The following OR4D1 variants were observed in gnomAD, a reference collection of about 807,000 sequenced individuals.
The protein encoded by OR4D1 is olfactory receptor 4D1.
A neutral mutation model predicts 14.2 loss-of-function variants in OR4D1; 10 were observed. That is an observed-to-expected ratio of 0.71 (90% CI 0.44 to 1.20). OR4D1 has a LOEUF of 1.20. Among genes scored for constraint, OR4D1 ranks in the 50% most tolerant of loss-of-function variants. The pLI is 0.00. For missense variants in OR4D1, 345 were observed against 376.6 expected, an observed-to-expected ratio of 0.92 and a Z score of 0.70; for synonymous variants, 141 against 147.4, an observed-to-expected ratio of 0.96 and a Z score of 0.32.
Position 58,157,841 on chromosome 17 carries a change from G to T in OR4D1, c.*1755G>T. ...TCAATAGACTCCATGATGGATGTTTGTTTCAAAGGGTTTCCTCTCCCTCTC... is the reference window on the plus strand; with the variant it reads ...TCAATAGACTCCATGATGGATGTTTTTTTCAAAGGGTTTCCTCTCCCTCTC... On this transcript the variant is annotated 3_prime_UTR_variant, in exon 4 of 4. Coordinates refer to ENST00000268912, the MANE Select transcript of OR4D1 (RefSeq NM_001386095.1). The T allele has an allele frequency of 3.2e-6, 5 of 1,565,492 alleles. No individual in the cohort carries two copies. The highest frequency in any genetic ancestry group is 4.4e-6 in the Non-Finnish European group (5 of 1,148,168).
chr17:58,149,082 T>A (rs979283249), intron 1 of OR4D1, among the ~76,000 whole-genome samples: 1 of 152,190 alleles, frequency 6.6e-6, no homozygotes, highest in Non-Finnish European at 1.5e-5. Flanking sequence ...CCCTCGTCTC[T>A]CCTAGTCCTG....
chr17:58,155,720 C>T lies in OR4D1; in HGVS notation c.567C>T (p.Cys189=). 2 of 1,614,126 alleles carry T rather than the reference C, an allele frequency of 1.2e-6. No homozygotes were observed. Among genetic ancestry groups the T allele is most frequent in the South Asian group, 2.2e-5 (2 of 91,086 alleles). ...CDVPQVLRLA[C]TDTSLLEFLM... Reference sequence around the variant, plus strand: ...TTCCCCAAGTACTGAGACTTGCCTGCACTGATACCTCCCTCCTGGAGTTCC... The same window carrying T: ...TTCCCCAAGTACTGAGACTTGCCTGTACTGATACCTCCCTCCTGGAGTTCC... Residue 189 remains cysteine (C), a synonymous_variant, in exon 4 of 4, where the codon TGC becomes TGT. Coordinates refer to ENST00000268912, the MANE Select transcript of OR4D1 (RefSeq NM_001386095.1).
chr17:58,157,187 C>G lies in OR4D1; in HGVS notation c.*1101C>G. On this transcript the variant is annotated 3_prime_UTR_variant, in exon 4 of 4. Transcript: ENST00000268912. ...ACAAGAAGCCGCCCAAGGAGGCATC[C>G]CCAGTGCCGGCCAAAAGCGCCTCTT... The G allele has an allele frequency of 6.8e-7, 1 of 1,462,022 alleles. No individual in the cohort carries two copies. The highest frequency in any genetic ancestry group is 9.0e-7 in the Non-Finnish European group (1 of 1,105,976). The allele number at this position is 1,462,022 out of a possible 1,614,324, so 90.6% of individuals were successfully genotyped here.
chr17:58,157,816 T>G lies in OR4D1; in HGVS notation c.*1730T>G. 2 of 1,599,320 alleles carry G rather than the reference T, an allele frequency of 1.3e-6. No homozygotes were observed. The highest frequency in any genetic ancestry group is 1.7e-6 in the Non-Finnish European group (2 of 1,175,186). On this transcript the variant is annotated 3_prime_UTR_variant, in exon 4 of 4. Transcript: ENST00000268912. ...ACCACCTGTCCTAAGGAAGACCAGA[T>G]CAATAGACTCCATGATGGATGTTTG...
chr17:58,150,662 C>T (rs1967691484), intron 2 of OR4D1, among the ~76,000 whole-genome samples: 2 of 152,270 alleles, frequency 1.3e-5, no homozygotes, highest in African/African-American at 4.8e-5. Context: ...TACAGTGACA[C>T]TCAAACTGAA....
Position 58,157,444 on chromosome 17 carries a change from C to T in OR4D1, c.*1358C>T, listed in dbSNP as rs1316051964. On this transcript the variant is annotated 3_prime_UTR_variant, in exon 4 of 4. Transcript: ENST00000268912. ...AGACCAATCCGAAGCCGCGCACAGC[C>T]TTTACCACGTCCCAGCTCCTCGCTC... 9.0e-7 allele frequency: 1 copy of T among 1,107,052 alleles called. No individual in the cohort carries two copies. The highest frequency in any genetic ancestry group is 1.4e-6 in the Non-Finnish European group (1 of 728,810). 68.6% of individuals were successfully genotyped at this position (1,107,052 alleles called of 1,614,324 possible).
rs561566066 is a variant in OR4D1 at position 58,148,895 on chromosome 17, C to G, written c.-495+311C>G. 2.6e-5 allele frequency among the ~76,000 whole-genome samples: 4 copies of G among 152,274 alleles called. No individual in the cohort carries two copies. The South Asian group carries it at 8.3e-4, about 32-fold the overall frequency. ...TTTAAGTCTCATCTTCCTCCATCTT[C>G]CCCCTTCTCCTGCCTGCTTCTCTCA... On this transcript the variant is annotated intron_variant, in intron 1 of 3. Coordinates refer to ENST00000268912, the MANE Select transcript of OR4D1 (RefSeq NM_001386095.1).
Position 58,156,207 on chromosome 17 carries a change from C to T in OR4D1, c.*121C>T. On this transcript the variant is annotated 3_prime_UTR_variant, in exon 4 of 4. Transcript: ENST00000268912. ...AGATTACACTTATATTTCTTGAGGA[C>T]CTAGTGCTGTGTCAAGTACTGTGTT... is the stretch of plus-strand genomic sequence containing the variant. 1.4e-6 allele frequency: 1 copy of T among 704,346 alleles called. No homozygotes were observed. Among genetic ancestry groups the T allele is most frequent in the Non-Finnish European group, 2.3e-6 (1 of 431,752 alleles). 43.6% of individuals were successfully genotyped at this position (704,346 alleles called of 1,614,324 possible).
chr17:58,154,289 A>G (rs1967738756), intron 3 of OR4D1, among the ~76,000 whole-genome samples: 1 of 145,240 alleles, frequency 6.9e-6, no homozygotes, highest in Non-Finnish European at 1.5e-5. Context: ...TTTTTTTTAA[A>G]CAACACTTTG....
Position 58,155,374 on chromosome 17 carries a change from C to T in OR4D1, c.221C>T (p.Ser74Phe). 6.2e-7 allele frequency: 1 copy of T among 1,614,162 alleles called. No homozygotes were observed. Among genetic ancestry groups the T allele is most frequent in the Non-Finnish European group, 8.5e-7 (1 of 1,180,000 alleles). Reference protein sequence around the residue: ...RNLALIDLCYSTVTSPKMLVD... With the variant: ...RNLALIDLCYFTVTSPKMLVD... ...CTAGCTCTCATAGACCTCTGCTATT[C>T]CACAGTCACCTCTCCAAAGATGCTG... Residue 74 changes from serine (S) to phenylalanine (F), a missense_variant, in exon 4 of 4, where the codon TCC (serine) becomes TTC (phenylalanine). Transcript: ENST00000268912.
At position 58,158,433 on chromosome 17, in the gene OR4D1, A is replaced by G. The variant is rs915618858; in HGVS notation, c.*2347A>G. 1.6e-4 allele frequency: 22 copies of G among 140,600 alleles called. No homozygotes were observed. Among genetic ancestry groups the G allele is most frequent in the African/African-American group, 5.7e-4 (22 of 38,826 alleles). 8.7% of individuals were successfully genotyped at this position (140,600 alleles called of 1,614,324 possible). On this transcript the variant is annotated 3_prime_UTR_variant, in exon 4 of 4. Coordinates refer to ENST00000268912, the MANE Select transcript of OR4D1 (RefSeq NM_001386095.1). ...TTTATATACTACCATATTTGTTCCT[A>G]TCTCTCCCCACGCCCACCCCCCCCC...
rs1289878869 is a variant in OR4D1, at chr17:58,158,900, A to G, written c.*2814A>G. 6.6e-6 allele frequency: 1 copy of G among 152,384 alleles called. No homozygotes were observed. The highest frequency in any genetic ancestry group is 1.9e-4 in the East Asian group (1 of 5,200). The allele number at this position is 152,384 out of a possible 1,614,324, so 9.4% of individuals were successfully genotyped here. A position where few individuals can be genotyped will look rare whatever the true frequency, so the allele number is the denominator to read the frequency against. On this transcript the variant is annotated 3_prime_UTR_variant, in exon 4 of 4. Transcript: ENST00000268912. ...ATATACTTTTTAACATGTCCAGGGC[A>G]GAAGATAAAGCCATGTTTTGACTTG...
rs760257994 is a variant in OR4D1 at position 58,155,195 on chromosome 17, C to G, written c.42C>G (p.Leu14=). 1.2e-6 allele frequency: 2 copies of G among 1,614,162 alleles called. No homozygotes were observed. The highest frequency in any genetic ancestry group is 1.7e-6 in the Non-Finnish European group (2 of 1,180,016). The change falls in exon 4 of 4, where the codon CTC becomes CTG. Residue 14 remains leucine, a synonymous_variant. Transcript: ENST00000268912. ...QNTTQVSMFV[L]LGFSQTQELQ... The stretch of plus-strand genomic sequence containing the variant: ...CCACACAGGTATCAATGTTTGTCCT[C>G]TTAGGGTTTTCACAGACCCAAGAGC...
At position 58,155,920 on chromosome 17, in the gene OR4D1, A is replaced by G. The variant is rs1220440696; in HGVS notation, c.767A>G (p.Tyr256Cys). ...TCCATGATCTTCATTCCCTGTATCTATATCTATACCTGGCCCTTCACCCCA... is the reference window on the plus strand; with the variant it reads ...TCCATGATCTTCATTCCCTGTATCTGTATCTATACCTGGCCCTTCACCCCA... The part of the protein sequence containing the change: ...VVSMIFIPCI[Y>C]IYTWPFTPFL... The change falls in exon 4 of 4, where the codon TAT becomes TGT. Residue 256 changes from tyrosine (Y) to cysteine (C), a missense_variant. Physicochemically the swap from Tyr to Cys is radical, Grantham distance 194. Transcript: ENST00000268912. 3.1e-6 allele frequency: 5 copies of G among 1,613,954 alleles called. No homozygotes were observed. Among genetic ancestry groups the G allele is most frequent in the East Asian group, 2.2e-5 (1 of 44,870 alleles).
In OR4D1 at chr17:58,155,518, G is replaced by A. The variant is rs769319164; in HGVS notation, c.365G>A (p.Arg122His). The part of the protein sequence containing the change: ...VFFLSVMAYD[R>H]YIAISQPLRY... ...TTTCTCTCAGTCATGGCCTATGACC[G>A]CTACATAGCCATCTCCCAGCCCCTC... is the stretch of plus-strand genomic sequence containing the variant. The change falls in exon 4 of 4, where the codon CGC becomes CAC. Residue 122 changes from arginine (R) to histidine (H), a missense_variant. By Grantham distance (29) the Arg-to-His change is conservative. Coordinates refer to ENST00000268912, the MANE Select transcript of OR4D1 (RefSeq NM_001386095.1). 44 of 1,613,924 alleles carry A rather than the reference G, an allele frequency of 2.7e-5. No homozygotes were observed. In the African/African-American group the frequency reaches 3.2e-4, roughly 12 times the overall value.
chr17:58,152,793 G>C (rs923832159), intron 2 of OR4D1, among the ~76,000 whole-genome samples: 4 of 152,116 alleles, frequency 2.6e-5, no homozygotes, highest in Non-Finnish European at 5.9e-5. Flanking sequence ...AAAATAGCCA[G>C]GCATGGTGAA....
Position 58,159,074 on chromosome 17 carries a change from T to C in OR4D1, c.*2988T>C, listed in dbSNP as rs1461770280. Reference sequence around the variant, plus strand: ...TTTATTGAAGAGTTATTATATCTTATTCTGAATTAAATTAAACATGTTTTA... The same window carrying C: ...TTTATTGAAGAGTTATTATATCTTACTCTGAATTAAATTAAACATGTTTTA... On this transcript the variant is annotated 3_prime_UTR_variant, in exon 4 of 4. Transcript: ENST00000268912. 6.6e-6 allele frequency: 1 copy of C among 152,186 alleles called. No homozygotes were observed. The highest frequency in any genetic ancestry group is 1.9e-4 in the East Asian group (1 of 5,204). The allele number at this position is 152,186 out of a possible 1,614,324, so 9.4% of individuals were successfully genotyped here.
At position 58,157,779 on chromosome 17, in the gene OR4D1, G is replaced by A; in HGVS notation, c.*1693G>A. 1 of 1,609,838 alleles carries A rather than the reference G, an allele frequency of 6.2e-7. No homozygotes were observed. Reference sequence around the variant, plus strand: ...GTGGGACTCTATGCCACGCCAGTGGGATATGGCATGTACCACCTGTCCTAA... The same window carrying A: ...GTGGGACTCTATGCCACGCCAGTGGAATATGGCATGTACCACCTGTCCTAA... On this transcript the variant is annotated 3_prime_UTR_variant, in exon 4 of 4. Transcript: ENST00000268912.
Position 58,148,443 on chromosome 17 carries a change from G to A in OR4D1, c.-636G>A, listed in dbSNP as rs1174949891. On this transcript the variant is annotated 5_prime_UTR_variant, in exon 1 of 4. Transcript: ENST00000268912. ...TCCCATATGTGTTCCTTGTCTGAGA[G>A]AGGCCAGGAGAAGAATGGAGCTACA... 3 of 152,322 alleles carry A rather than the reference G, an allele frequency of 2.0e-5. No homozygotes were observed. The highest frequency in any genetic ancestry group is 7.2e-5 in the African/African-American group (3 of 41,438). 9.4% of individuals were successfully genotyped at this position (152,322 alleles called of 1,614,324 possible). A position where few individuals can be genotyped will look rare whatever the true frequency, so the allele number is the denominator to read the frequency against.
Sources: gnomAD v4.1 joint callset for allele counts (sites outside exome capture counted in the v4.1 genomes callset) on GRCh38, gnomAD v4.1.1 for gene constraint, MANE v1.5 for transcripts, NCBI Gene and HGNC (gene_info 2026-07-23, HGNC 2026-07-21) for gene names.